Variants in MTFR1 observed in about 807,000 individuals in gnomAD.
The protein encoded by MTFR1 is mitochondrial fission regulator 1.
MTFR1 carries 28 observed loss-of-function variants against 38.8 expected under a neutral mutation model. The ratio of observed to expected loss-of-function variants is 0.72; its 90% CI spans 0.53 to 0.99. The LOEUF is 0.99. Ranked by LOEUF, MTFR1 falls within the 50% of genes least tolerant of loss-of-function variation. The pLI, the probability that MTFR1 is intolerant of heterozygous loss-of-function variation, is 0.00. For synonymous variants in MTFR1, 145 were observed against 137.0 expected (o/e 1.06, Z -0.41); for missense variants, 358 against 395.5 (o/e 0.91, Z 0.81).
At chr8:65,697,197 C>T (rs1432899872) in intron 4 of MTFR1, among the ~76,000 whole-genome samples, 1 of 151,898 alleles carries the variant, frequency 6.6e-6, no homozygotes, top group Admixed American at 6.6e-5. Context: ...GTTGGCCAGG[C>T]TAGTCTCGAA....
intron 1 of MTFR1, among the ~76,000 whole-genome samples, chr8:65,658,425 TCA>T (rs1162015188): frequency 6.6e-6 from 1 of 152,256 alleles, no homozygotes; most frequent in Non-Finnish European, 1.5e-5. Context: ...TTATATATTT[TCA>T]CAGTGTTGGT....
intron 1 of MTFR1, among the ~76,000 whole-genome samples, chr8:65,664,004 C>T (rs952251537): frequency 4.0e-5 from 6 of 151,820 alleles, no homozygotes; most frequent in Non-Finnish European, 5.9e-5. Flanking sequence ...TTAGTAGAGA[C>T]GGGGTTTCGC....
chr8:65,759,103 T>C (rs769091193), intron 3 of MTFR1, among the ~76,000 whole-genome samples: 3 of 152,218 alleles, frequency 2.0e-5, no homozygotes, highest in African/African-American at 4.8e-5. Flanking sequence ...ACGGGGATAC[T>C]TGCTTGCATT....
At chr8:65,717,322 A>C (rs1806179887) in intron 2 of MTFR1, among the ~76,000 whole-genome samples, 1 of 152,270 alleles carries the variant, frequency 6.6e-6, no homozygotes, top group South Asian at 2.1e-4. Flanking sequence ...AACTGATATC[A>C]ATCAAGTAGA....
chr8:65,765,187 C>T (rs1808704201), intron 3 of MTFR1, among the ~76,000 whole-genome samples: 1 of 152,132 alleles, frequency 6.6e-6, no homozygotes, highest in African/African-American at 2.4e-5. Flanking sequence ...AAAATGAATA[C>T]AGAGCTCAAG....
chr8:65,708,917 G>A, intron 7 of MTFR1, 59 bp from the exon 8 acceptor site: 1 of 1,510,888 alleles, frequency 6.6e-7, no homozygotes, highest in Non-Finnish European at 9.2e-7. Flanking sequence ...GGAGGTGGGG[G>A]CGTATCGTTA....
chr8:65,690,871 ACAGGGCT>A (rs1805255989), intron 3 of MTFR1, among the ~76,000 whole-genome samples: 1 of 152,190 alleles, frequency 6.6e-6, no homozygotes, highest in African/African-American at 2.4e-5. Flanking sequence ...TAGGAGCCTC[ACAGGGCT>A]TGGGGAACAT....
rs1295965698 is a variant in MTFR1 at position 65,730,171 on chromosome 8, C to CTTCTTTTTTTTT, written c.*48+10692_*48+10693insCTTTTTTTTTTT. Among the ~76,000 whole-genome samples the CTTCTTTTTTTTT allele has an allele frequency of 3.2e-3, 276 of 86,436 alleles. 57 individuals carry two copies. Among genetic ancestry groups the CTTCTTTTTTTTT allele is most frequent in the South Asian group, 0.014 (29 of 2,108 alleles). 56.7% of individuals were successfully genotyped at this position (86,436 alleles called of 152,430 possible). A position where few individuals can be genotyped will look rare whatever the true frequency, so the allele number is the denominator to read the frequency against. ...TGTGAGGGATCCAGGTTGCGCACTT[C>CTTCTTTTTTTTT]TTTTTTTTTTTTTTTTTTTTTTTTT... On this transcript the variant is annotated intron_variant, in intron 3 of 3. Transcript: ENST00000521247.
intron 1 of MTFR1, among the ~76,000 whole-genome samples, chr8:65,655,140 G>T (rs1809220864): frequency 1.3e-5 from 2 of 152,180 alleles, no homozygotes; most frequent in South Asian, 4.1e-4. Context: ...AAAATATTCT[G>T]TGTCAATCAC....
At chr8:65,676,602 G>C (rs1260112185) in intron 2 of MTFR1, among the ~76,000 whole-genome samples, 2 of 152,136 alleles carry the variant, frequency 1.3e-5, no homozygotes, top group African/African-American at 4.8e-5. Flanking sequence ...GACCTCAAGT[G>C]ATCCACCCTC....
At chr8:65,754,895 G>A (rs1250369759) in intron 3 of MTFR1, among the ~76,000 whole-genome samples, 24 of 150,388 alleles carry the variant, frequency 1.6e-4, no homozygotes, top group Non-Finnish European at 1.6e-4. Context: ...AACCCGGGAG[G>A]CGGAGGTTGC....
At chr8:65,764,645 G>A (rs1563495780) in intron 3 of MTFR1, among the ~76,000 whole-genome samples, 3 of 152,280 alleles carry the variant, frequency 2.0e-5, no homozygotes, top group East Asian at 3.9e-4. Context: ...GGAGTTACTA[G>A]ATATTAAAGA....
At chr8:65,765,029 C>A (rs1348991912) in intron 3 of MTFR1, among the ~76,000 whole-genome samples, 2 of 152,166 alleles carry the variant, frequency 1.3e-5, no homozygotes, top group African/African-American at 4.8e-5. Context: ...AAAATATACT[C>A]AGTCTCTACT....
At chr8:65,660,643 A>G (rs1327286479) in intron 1 of MTFR1, among the ~76,000 whole-genome samples, 1 of 152,160 alleles carries the variant, frequency 6.6e-6, no homozygotes, top group Non-Finnish European at 1.5e-5. Context: ...GGGACTTTCT[A>G]GCCTCCATAA....
the MTFR1 span, among the ~76,000 whole-genome samples, chr8:65,778,028 A>G: frequency 1.3e-5 from 2 of 152,052 alleles, no homozygotes; most frequent in African/African-American, 4.8e-5. Context: ...CTAGGACCTT[A>G]ATTACTTTTT....
At chr8:65,751,564 C>T (rs993968434) in intron 3 of MTFR1, among the ~76,000 whole-genome samples, 2 of 152,072 alleles carry the variant, frequency 1.3e-5, no homozygotes, top group African/African-American at 4.8e-5. Context: ...GCGATATCGG[C>T]TCACCGCAAC....
chr8:65,645,692 T>TTTCCCC (rs1554544272), intron 1 of MTFR1, among the ~76,000 whole-genome samples: 7 of 83,176 alleles, frequency 8.4e-5, no homozygotes, highest in African/African-American at 3.6e-4. Context: ...CGCCCGGCTT[T>TTTCCCC]CCCCCCCCCC....
intron 2 of MTFR1, among the ~76,000 whole-genome samples, chr8:65,681,775 T>G (rs1804903131): frequency 6.6e-6 from 1 of 151,870 alleles, no homozygotes; most frequent in East Asian, 1.9e-4. Flanking sequence ...CAGATGAAAT[T>G]TCTTACCTTT....
intron 3 of MTFR1, among the ~76,000 whole-genome samples, chr8:65,736,087 T>C (rs1807116877): frequency 6.6e-6 from 1 of 152,172 alleles, no homozygotes; most frequent in Non-Finnish European, 1.5e-5. Context: ...GCGCAATTTA[T>C]AAGTTAGTCA....
Sources: allele counts gnomAD v4.1 joint callset (sites outside exome capture counted in the v4.1 genomes callset), GRCh38; gene constraint gnomAD v4.1.1; transcripts MANE v1.5; gene names NCBI Gene and HGNC (gene_info 2026-07-23, HGNC 2026-07-21).